The following SLC4A4 variants were observed in gnomAD, a reference collection of about 807,000 sequenced individuals.
The protein encoded by SLC4A4 is solute carrier family 4 member 4, also known as electrogenic sodium bicarbonate cotransporter 1.
SLC4A4 carries 27 observed loss-of-function variants against 111.5 expected under a neutral mutation model. The observed-to-expected ratio is 0.24, with a 90% CI of 0.18 to 0.33. SLC4A4 has a LOEUF of 0.33. Ranked by LOEUF, SLC4A4 falls within the 10% of genes least tolerant of loss-of-function variation. SLC4A4 has a pLI of 1.00. For synonymous variants in SLC4A4, 443 were observed against 463.4 expected, an observed-to-expected ratio of 0.96 and a Z score of 0.57; for missense variants, 909 against 1,315.5, an observed-to-expected ratio of 0.69 and a Z score of 4.78.
intron 2 of SLC4A4, among the ~76,000 whole-genome samples, chr4:71,121,529 G>T (rs1743428533): frequency 6.6e-6 from 1 of 152,224 alleles, no homozygotes; most frequent in Admixed American, 6.5e-5. Context: ...GTTTGTGAAG[G>T]CACCAATCAG....
At chr4:71,076,278 C>T (rs1263781387) in intron 1 of SLC4A4, among the ~76,000 whole-genome samples, 1 of 152,094 alleles carries the variant, frequency 6.6e-6, no homozygotes, top group Non-Finnish European at 1.5e-5. Flanking sequence ...TGTCTGTAAT[C>T]CCAGCATTTT....
rs528266438 is a variant in SLC4A4, at chr4:71,400,883, G to T, written c.807+3230G>T. 4.6e-5 allele frequency among the ~76,000 whole-genome samples: 7 copies of T among 152,196 alleles called. No homozygotes were observed. In the South Asian group the frequency reaches 1.5e-3, roughly 32 times the overall value. ...AGGAAAGAAAAAAAAAGGTTTCCAG[G>T]CTTATGTTTGTTTTGAGAAAGCTTT... On this transcript the variant is annotated intron_variant, in intron 7 of 25. Coordinates refer to ENST00000264485, the MANE Select transcript of SLC4A4 (RefSeq NM_001098484.3).
At position 71,165,785 on chromosome 4, in the gene SLC4A4, C is replaced by G. The variant is rs567351301; in HGVS notation, c.-1-70791C>G. On this transcript the variant is annotated intron_variant, in intron 2 of 26. Coordinates refer to the SLC4A4 transcript ENST00000649996. Reference sequence around the variant, plus strand: ...GTTACAGTACATCATTAAAATGTGACCCAATGAGTCCCAAAATAAAAATTT... The same window carrying G: ...GTTACAGTACATCATTAAAATGTGAGCCAATGAGTCCCAAAATAAAAATTT... Among the ~76,000 whole-genome samples, 9 of 151,956 alleles carry G rather than the reference C, an allele frequency of 5.9e-5. No individual in the cohort carries two copies. In the South Asian group the frequency reaches 1.9e-3, roughly 32 times the overall value.
intron 6 of SLC4A4, among the ~76,000 whole-genome samples, chr4:71,358,339 A>C (rs1212919989): frequency 6.6e-6 from 1 of 151,186 alleles, no homozygotes; most frequent in African/African-American, 2.4e-5. Context: ...AGAGAGAGAG[A>C]GATGAGTAGA....
intron 16 of SLC4A4, among the ~76,000 whole-genome samples, chr4:71,516,108 T>C (rs993189821): frequency 8.4e-6 from 1 of 119,242 alleles, no homozygotes; most frequent in African/African-American, 3.3e-5. Flanking sequence ...TTTTTTTTTT[T>C]TTTTTGAGAT....
At chr4:71,214,405 A>G (rs1448860449) in intron 1 of SLC4A4, among the ~76,000 whole-genome samples, 1 of 152,116 alleles carries the variant, frequency 6.6e-6, no homozygotes, top group African/African-American at 2.4e-5. Context: ...GGTGATCTCA[A>G]TTCTGTTTTC....
chr4:71,361,087 G>C (rs761476020), intron 6 of SLC4A4, among the ~76,000 whole-genome samples: 1 of 152,100 alleles, frequency 6.6e-6, no homozygotes, highest in Non-Finnish European at 1.5e-5. Flanking sequence ...ACCCCAGTGC[G>C]CACTCCTCCC....
At chr4:71,486,639 A>T (rs1040309031) in intron 14 of SLC4A4, among the ~76,000 whole-genome samples, 2 of 149,578 alleles carry the variant, frequency 1.3e-5, no homozygotes, top group Non-Finnish European at 3.0e-5. Flanking sequence ...AAATATATTG[A>T]GTACCTTGTA....
chr4:71,376,917 G>A (rs1732460339), intron 6 of SLC4A4, among the ~76,000 whole-genome samples: 1 of 152,074 alleles, frequency 6.6e-6, no homozygotes. Flanking sequence ...GATTACAGGC[G>A]TGAGCACCTC....
intron 3 of SLC4A4, among the ~76,000 whole-genome samples, chr4:71,283,087 G>T (rs1025768045): frequency 9.2e-5 from 14 of 152,146 alleles, no homozygotes; most frequent in Admixed American, 9.2e-4. Context: ...TTTCCAAAAA[G>T]GTATGCTACT....
rs140240844 is a variant in SLC4A4 at position 71,524,813 on chromosome 4, T to C, written c.2167-7249T>C. The stretch of plus-strand genomic sequence containing the variant: ...TGCTTTTTTACACTGCTGTTTAGCA[T>C]TTTCCAAGCACCACAATCACTAGAG... On this transcript the variant is annotated intron_variant, in intron 16 of 25. Transcript: ENST00000264485. 3.8e-3 allele frequency among the ~76,000 whole-genome samples: 584 copies of C among 152,240 alleles called. 6 individuals carry two copies. Among genetic ancestry groups the C allele is most frequent in the African/African-American group, 0.013 (540 of 41,542 alleles).
At chr4:71,435,779 C>G (rs902869636) in intron 7 of SLC4A4, among the ~76,000 whole-genome samples, 7 of 152,204 alleles carry the variant, frequency 4.6e-5, no homozygotes, top group African/African-American at 1.4e-4. Context: ...CAAAAGAAGA[C>G]ATTTATGCGG....
intron 1 of SLC4A4, among the ~76,000 whole-genome samples, chr4:71,080,498 A>G (rs1741963458): frequency 6.6e-6 from 1 of 152,080 alleles, no homozygotes; most frequent in Non-Finnish European, 1.5e-5. Context: ...TAAAAGGATG[A>G]GTGTTTTCCC....
chr4:71,533,912 G>C (rs1038476960), intron 17 of SLC4A4, among the ~76,000 whole-genome samples: 1 of 151,708 alleles, frequency 6.6e-6, no homozygotes, highest in African/African-American at 2.4e-5. Flanking sequence ...GTTTTCTTCT[G>C]GCTACTCTTT....
chr4:71,283,088 G>A (rs574111999), intron 3 of SLC4A4, among the ~76,000 whole-genome samples: 10 of 152,288 alleles, frequency 6.6e-5, no homozygotes, highest in African/African-American at 2.4e-4. Context: ...TTCCAAAAAG[G>A]TATGCTACTC....
In SLC4A4 at chr4:71,419,425, G is replaced by C. The variant is rs938320739; in HGVS notation, c.808-21191G>C. Among the ~76,000 whole-genome samples the C allele has an allele frequency of 3.3e-5, 5 of 152,218 alleles. 1 individual carries two copies. The East Asian group carries it at 9.6e-4, about 29-fold the overall frequency. On this transcript the variant is annotated intron_variant, in intron 7 of 25. Transcript: ENST00000264485. The stretch of plus-strand genomic sequence containing the variant: ...CAGGCGCCCCTCCCCCAGCCTCACT[G>C]CCGCCTTGCAGTTTGATCTCAGACT...
At chr4:71,421,880 A>T (rs1722550547) in intron 7 of SLC4A4, among the ~76,000 whole-genome samples, 1 of 152,064 alleles carries the variant, frequency 6.6e-6, no homozygotes, top group Non-Finnish European at 1.5e-5. Context: ...CACAAGAGAA[A>T]GCAGGAAAGA....
intron 1 of SLC4A4, among the ~76,000 whole-genome samples, chr4:71,087,352 C>T (rs1742210483): frequency 6.6e-6 from 1 of 151,814 alleles, no homozygotes; most frequent in Non-Finnish European, 1.5e-5. Context: ...TTTCAAAAAA[C>T]CAGCTCCTGG....
At chr4:71,315,827 G>T (rs1726636955) in intron 3 of SLC4A4, among the ~76,000 whole-genome samples, 1 of 152,114 alleles carries the variant, frequency 6.6e-6, no homozygotes, top group African/African-American at 2.4e-5. Flanking sequence ...TAACATGGAA[G>T]ATTTAATGAC....
Sources: allele counts gnomAD v4.1 joint callset (sites outside exome capture counted in the v4.1 genomes callset), GRCh38; gene constraint gnomAD v4.1.1; transcripts MANE v1.5; gene names NCBI Gene and HGNC (gene_info 2026-07-23, HGNC 2026-07-21).